The following BCAR3 variants were observed in gnomAD, a reference collection of about 807,000 sequenced individuals.
The protein encoded by BCAR3 is BCAR3 adaptor protein, NSP family member, also known as breast cancer anti-estrogen resistance protein 3.
BCAR3 carries 37 observed loss-of-function variants against 80.1 expected under a neutral mutation model. The ratio of observed to expected loss-of-function variants is 0.46; its 90% CI spans 0.36 to 0.61. BCAR3 has a LOEUF of 0.61. BCAR3 is among the 20% of genes least tolerant of loss of function. BCAR3 has a pLI of 0.00. For missense variants in BCAR3, 978 were observed against 1,068.2 expected, an observed-to-expected ratio of 0.92 and a Z score of 1.18; for synonymous variants, 389 against 418.9, an observed-to-expected ratio of 0.93 and a Z score of 0.87.
In BCAR3 at chr1:93,582,598, A is replaced by T; in HGVS notation, c.1389T>A (p.Asn463Lys). The T allele has an allele frequency of 6.2e-7, 1 of 1,613,686 alleles. No individual in the cohort carries two copies. Among genetic ancestry groups the T allele is most frequent in the African/African-American group, 1.3e-5 (1 of 74,914 alleles). ...CAGAGTTCCGGGGACCTGGCGCCTC[A>T]TTCTGCTTGGCTGTGAGCAGTTCTG... ...SHTELLTAKQNEAPGPRNSGV... is the reference protein window; with the variant it reads ...SHTELLTAKQKEAPGPRNSGV... The change falls in exon 7 of 12, where the codon AAT (asparagine) becomes AAA (lysine). Residue 463 changes from asparagine (N) to lysine (K), a missense_variant. Physicochemically the swap from Asn to Lys is moderately conservative, Grantham distance 94. Transcript: ENST00000260502.
chr1:93,846,349 G>T (rs1431188727), intron 1 of BCAR3, among the ~76,000 whole-genome samples: 2 of 152,208 alleles, frequency 1.3e-5, no homozygotes, highest in Non-Finnish European at 2.9e-5. Flanking sequence ...CGCGCCCAGC[G>T]GCCGCCCTGC....
chr1:93,807,789 T>G (rs1275080941), intron 2 of BCAR3, among the ~76,000 whole-genome samples: 1 of 152,084 alleles, frequency 6.6e-6, no homozygotes, highest in Non-Finnish European at 1.5e-5. Context: ...ATCTCAACAC[T>G]TTTGATGCCA....
At chr1:93,673,261 GC>G (rs1648306959) in intron 2 of BCAR3, among the ~76,000 whole-genome samples, 2 of 152,168 alleles carry the variant, frequency 1.3e-5, no homozygotes, top group Non-Finnish European at 2.9e-5. Context: ...GGAAGATATT[GC>G]TTCAGATGCT....
chr1:93,745,766 G>A (rs755455466), intron 2 of BCAR3, among the ~76,000 whole-genome samples: 71 of 152,280 alleles, frequency 4.7e-4, no homozygotes, highest in Non-Finnish European at 6.5e-4. Flanking sequence ...ATAGCTGGGC[G>A]TGATTGCTCA....
In BCAR3 at chr1:93,730,286, G is replaced by A. The variant is rs545599346; in HGVS notation, c.-62-24144C>T. 2.6e-4 allele frequency among the ~76,000 whole-genome samples: 40 copies of A among 151,862 alleles called. 1 individual carries two copies. The highest frequency in any genetic ancestry group is 9.2e-4 in the African/African-American group (38 of 41,408). ...AGGCCTTCACTGACTCCCCTTACCC[G>A]AGCTCTCTGACAGTACCTGGAACTT... On this transcript the variant is annotated intron_variant, in intron 2 of 13. Coordinates refer to the BCAR3 transcript ENST00000370244.
intron 2 of BCAR3, among the ~76,000 whole-genome samples, chr1:93,743,671 G>A (rs571250356): frequency 6.6e-6 from 1 of 152,188 alleles, no homozygotes; most frequent in East Asian, 1.9e-4. Context: ...AATGTTGTAG[G>A]GACTTTGCTA....
chr1:93,765,676 T>C (rs1220480158), intron 2 of BCAR3, among the ~76,000 whole-genome samples: 2 of 152,008 alleles, frequency 1.3e-5, no homozygotes, highest in Non-Finnish European at 2.9e-5. Context: ...TTAGCAATTT[T>C]TTTTTTTTTT....
At chr1:93,625,703 G>C (rs959594282) in intron 3 of BCAR3, among the ~76,000 whole-genome samples, 2 of 152,182 alleles carry the variant, frequency 1.3e-5, no homozygotes, top group African/African-American at 4.8e-5. Context: ...GAGAGGGCTG[G>C]GACTCGAAAG....
intron 5 of BCAR3, chr1:93,584,997 A>C (rs1673884555): frequency 1.0e-6 from 1 of 985,300 alleles, no homozygotes; most frequent in African/African-American, 1.7e-5. Context: ...AGAAAAAACA[A>C]ATCAAAAAAC....
Position 93,769,106 on chromosome 1 carries a change from GA to G in BCAR3, c.-62-62965del, listed in dbSNP as rs201620720. ...GGTCTATAATTTCCCAACCCTGGGG[GA>G]GGAGACAGAAGGAGCAGCAGACGAT... On this transcript the variant is annotated intron_variant, in intron 2 of 13. Transcript: ENST00000370244. 9.2e-5 allele frequency among the ~76,000 whole-genome samples: 14 copies of G among 152,250 alleles called. No homozygotes were observed. In the South Asian group the frequency reaches 1.0e-3, roughly 11 times the overall value.
intron 2 of BCAR3, among the ~76,000 whole-genome samples, chr1:93,728,905 A>C (rs562865542): frequency 6.6e-6 from 1 of 152,154 alleles, no homozygotes; most frequent in Admixed American, 6.5e-5. Flanking sequence ...AGGAAAAAAA[A>C]AATGCCTGTC....
intron 5 of BCAR3, 66 bp from the exon 6 acceptor site, chr1:93,584,187 G>A (rs1673847622): frequency 1.4e-6 from 2 of 1,428,096 alleles, no homozygotes; most frequent in East Asian, 4.6e-5. Context: ...TTTAGGCAAT[G>A]CCATGGGAAC....
intron 2 of BCAR3, among the ~76,000 whole-genome samples, chr1:93,653,874 T>G (rs926746967): frequency 1.3e-5 from 2 of 152,170 alleles, no homozygotes; most frequent in South Asian, 4.1e-4. Flanking sequence ...CATGGTACAT[T>G]TGGGGGACTG....
rs541534171 is a variant in BCAR3, at chr1:93,786,141, C to G, written c.-63+59426G>C. On this transcript the variant is annotated intron_variant, in intron 2 of 13. Coordinates refer to the BCAR3 transcript ENST00000370244. ...CCGGGAGGCGGAGCTTGCAGTGAGC[C>G]GAGATCGCGCCACTGCACTCCCGCC... 9.1e-5 allele frequency among the ~76,000 whole-genome samples: 10 copies of G among 109,336 alleles called. No homozygotes were observed. In the Admixed American group the frequency reaches 1.0e-3, roughly 11 times the overall value. 71.7% of individuals were successfully genotyped at this position (109,336 alleles called of 152,430 possible).
chr1:93,680,437 A>AC (rs1332069954), intron 1 of BCAR3, among the ~76,000 whole-genome samples: 1 of 151,948 alleles, frequency 6.6e-6, no homozygotes, highest in African/African-American at 2.4e-5. Flanking sequence ...TCCCATTGTT[A>AC]CCCGGGTAGC....
chr1:93,617,752 C>T (rs1414338064), intron 3 of BCAR3, among the ~76,000 whole-genome samples: 4 of 152,210 alleles, frequency 2.6e-5, no homozygotes, highest in Non-Finnish European at 4.4e-5. Flanking sequence ...TCCATCTTTC[C>T]TGGTGCCCTG....
intron 11 of BCAR3, among the ~76,000 whole-genome samples, chr1:93,563,560 C>A (rs1392011245): frequency 6.6e-6 from 1 of 152,186 alleles, no homozygotes; most frequent in South Asian, 2.1e-4. Flanking sequence ...TTGGGTCATA[C>A]AATCAGTATA....
intron 2 of BCAR3, among the ~76,000 whole-genome samples, chr1:93,722,927 G>A (rs951610361): frequency 6.6e-6 from 1 of 152,090 alleles, no homozygotes; most frequent in Non-Finnish European, 1.5e-5. Flanking sequence ...AAAAAAGAAT[G>A]GGAGATTCAA....
At chr1:93,816,017 C>G (rs1461230434) in intron 2 of BCAR3, among the ~76,000 whole-genome samples, 4 of 152,180 alleles carry the variant, frequency 2.6e-5, no homozygotes, top group African/African-American at 9.7e-5. Flanking sequence ...CATATTATTA[C>G]TACTGAAAGA....
Sources: gnomAD v4.1 joint callset for allele counts (sites outside exome capture counted in the v4.1 genomes callset) on GRCh38, gnomAD v4.1.1 for gene constraint, MANE v1.5 for transcripts, NCBI Gene and HGNC (gene_info 2026-07-23, HGNC 2026-07-21) for gene names.